The following ADCY10 variants were observed in gnomAD, a reference collection of about 807,000 sequenced individuals.
ADCY10 encodes adenylate cyclase type 10.
ADCY10 carries 156 observed loss-of-function variants against 183.3 expected under a neutral mutation model. The ratio of observed to expected loss-of-function variants is 0.85; its 90% CI spans 0.75 to 0.97. The LOEUF is 0.97. Among genes scored for constraint, ADCY10 ranks in the 50% least tolerant of loss-of-function variants. The pLI is 0.00. For synonymous variants in ADCY10, 645 were observed against 670.0 expected, an observed-to-expected ratio of 0.96 and a Z score of 0.58; for missense variants, 1,745 against 1,934.3, an observed-to-expected ratio of 0.90 and a Z score of 1.84.
At chr1:167,837,211 T>G in intron 22 of ADCY10, 38 bp downstream of exon 22, 1 of 1,526,850 alleles carries the variant, frequency 6.5e-7, no homozygotes, top group South Asian at 1.1e-5. Context: ...TGACAATTAT[T>G]TATGCTCTAC....
intron 18 of ADCY10, among the ~76,000 whole-genome samples, chr1:167,850,084 G>A (rs897618492): frequency 2.0e-5 from 3 of 152,102 alleles, no homozygotes; most frequent in African/African-American, 7.2e-5. Context: ...CCAACTAGTC[G>A]TATTTAGGAA....
intron 5 of ADCY10, 127 bp downstream of exon 5, chr1:167,901,535 C>G (rs1669421718): frequency 2.0e-6 from 2 of 987,034 alleles, no homozygotes; most frequent in African/African-American, 1.6e-5. Flanking sequence ...TGTCCTGATG[C>G]CAAAGTTCAG....
chr1:167,830,208 T>C (rs1003160085), intron 25 of ADCY10, among the ~76,000 whole-genome samples: 3 of 152,078 alleles, frequency 2.0e-5, no homozygotes, highest in Non-Finnish European at 4.4e-5. Flanking sequence ...ATGTGGATTA[T>C]TATCACGCCC....
At chr1:167,823,556 A>T (rs1663064890) in intron 28 of ADCY10, among the ~76,000 whole-genome samples, 1 of 152,080 alleles carries the variant, frequency 6.6e-6, no homozygotes, top group Non-Finnish European at 1.5e-5. Context: ...GGTGCACTAA[A>T]ATCTCAGAAT....
intron 21 of ADCY10, 150 bp from the exon 22 acceptor site, chr1:167,837,468 G>A: frequency 1.4e-6 from 1 of 693,500 alleles, no homozygotes; most frequent in East Asian, 2.7e-5. Flanking sequence ...TATCTTAGGT[G>A]AAGCCACGTG....
chr1:167,860,113 T>C (rs1666188324), intron 15 of ADCY10, among the ~76,000 whole-genome samples: 1 of 152,176 alleles, frequency 6.6e-6, no homozygotes, highest in Admixed American at 6.5e-5. Flanking sequence ...TCAGGTGCAT[T>C]ACATTTATTG....
intron 14 of ADCY10, among the ~76,000 whole-genome samples, chr1:167,861,791 C>A (rs1159034355): frequency 6.6e-6 from 1 of 152,168 alleles, no homozygotes; most frequent in Non-Finnish European, 1.5e-5. Context: ...GTATTGCAAC[C>A]CCCGAGTGTC....
intron 6 of ADCY10, 96 bp downstream of exon 6, chr1:167,899,327 G>A: frequency 8.1e-7 from 1 of 1,239,654 alleles, no homozygotes; most frequent in Non-Finnish European, 1.2e-6. Flanking sequence ...TCCAGCCCAG[G>A]AGCTTTATGA....
chr1:167,867,234 G>A (rs1332487325), intron 14 of ADCY10, among the ~76,000 whole-genome samples: 2 of 152,324 alleles, frequency 1.3e-5, no homozygotes, highest in African/African-American at 4.8e-5. Context: ...GGAGCTGTAC[G>A]TGGATGGGAG....
intron 31 of ADCY10, among the ~76,000 whole-genome samples, chr1:167,815,723 C>T (rs945264453): frequency 1.3e-5 from 2 of 152,096 alleles, no homozygotes; most frequent in Non-Finnish European, 1.5e-5. Flanking sequence ...TTGAAATTAT[C>T]AGACTGGGAA....
chr1:167,894,611 GA>G (rs1668827042), intron 7 of ADCY10, among the ~76,000 whole-genome samples: 1 of 150,762 alleles, frequency 6.6e-6, no homozygotes, highest in African/African-American at 2.5e-5. Flanking sequence ...ATGATAATGT[GA>G]AAAAAAATGT....
chr1:167,910,459 G>C (rs1218252833), intron 1 of ADCY10, among the ~76,000 whole-genome samples: 1 of 152,152 alleles, frequency 6.6e-6, no homozygotes, highest in African/African-American at 2.4e-5. Context: ...TGAAAGTTGT[G>C]GGGTAAGTGG....
chr1:167,818,211 T>C lies in ADCY10; in HGVS notation c.4343A>G (p.Asn1448Ser). ...NFYKFSNRAK[N>S]LLPRRTMTLT... is the part of the protein sequence containing the mutation. ...TGTCATGGTTCTTCTTGGCAAAAGA[T>C]TTTTAGCTCTATTGGAAAATTTGTA... The change falls in exon 31 of 33, where the codon AAT becomes AGT. Residue 1448 changes from asparagine to serine, a missense_variant. Asn to Ser is a conservative substitution (Grantham distance 46). Coordinates refer to ENST00000367851, the MANE Select transcript of ADCY10 (RefSeq NM_018417.6). The C allele has an allele frequency of 6.2e-7, 1 of 1,614,186 alleles. No homozygotes were observed. Among genetic ancestry groups the C allele is most frequent in the Non-Finnish European group, 8.5e-7 (1 of 1,180,012 alleles).
chr1:167,839,219 TAGAC>T (rs1175774840), intron 21 of ADCY10, among the ~76,000 whole-genome samples: 1 of 152,244 alleles, frequency 6.6e-6, no homozygotes, highest in Non-Finnish European at 1.5e-5. Flanking sequence ...TCATTAGTAA[TAGAC>T]AGCGACATTC....
intron 30 of ADCY10, 52 bp from the exon 31 acceptor site, chr1:167,818,319 G>T: frequency 6.5e-7 from 1 of 1,529,188 alleles, no homozygotes; most frequent in Non-Finnish European, 9.1e-7. Context: ...TTAGGAATAG[G>T]CTGGCTTTCT....
intron 9 of ADCY10, among the ~76,000 whole-genome samples, chr1:167,882,123 G>A (rs1026948239): frequency 2.4e-4 from 36 of 152,172 alleles, no homozygotes; most frequent in African/African-American, 8.4e-4. Flanking sequence ...ATTGAGATGG[G>A]AAATCAATTC....
intron 1 of ADCY10, among the ~76,000 whole-genome samples, chr1:167,913,022 C>A (rs1379964226): frequency 6.6e-6 from 1 of 152,138 alleles, no homozygotes; most frequent in African/African-American, 2.4e-5. Context: ...TGTATATGAC[C>A]TAGACAAAAG....
At position 167,888,809 on chromosome 1, in the gene ADCY10, G is replaced by GCGTGCAGTGAGCCGA. The variant is rs1668404589; in HGVS notation, c.828+5043_828+5044insTCGGCTCACTGCACG. Among the ~76,000 whole-genome samples, 33 of 147,980 alleles carry GCGTGCAGTGAGCCGA rather than the reference G, an allele frequency of 2.2e-4. No individual in the cohort carries two copies. In the Admixed American group the frequency reaches 2.2e-3, roughly 10 times the overall value. ...GAGAATAGAGTGAACCCGGGAGGCG[G>GCGTGCAGTGAGCCGA]AGCGTGCAGTGAGCCGAGACAGCGC... On this transcript the variant is annotated intron_variant, in intron 8 of 32. Transcript: ENST00000367851.
chr1:167,840,052 AT>A (rs1446752770), intron 21 of ADCY10, among the ~76,000 whole-genome samples: 1 of 145,622 alleles, frequency 6.9e-6, no homozygotes, highest in Non-Finnish European at 1.5e-5. Flanking sequence ...AGACCTGTCT[AT>A]AAAAAAAAAA....
Sources: allele counts gnomAD v4.1 joint callset (sites outside exome capture counted in the v4.1 genomes callset), GRCh38; gene constraint gnomAD v4.1.1; transcripts MANE v1.5; gene names NCBI Gene and HGNC (gene_info 2026-07-23, HGNC 2026-07-21).